The following GRIP1 variants were observed in gnomAD, a reference collection of about 807,000 sequenced individuals.
The protein encoded by GRIP1 is glutamate receptor interacting protein 1, also known as glutamate receptor-interacting protein 1.
A neutral mutation model predicts 129.9 loss-of-function variants in GRIP1; 45 were observed. That is an observed-to-expected ratio of 0.35 (90% CI 0.27 to 0.44). The LOEUF is 0.44. GRIP1 is among the 20% of genes least tolerant of loss of function. The pLI is 1.00. For synonymous variants in GRIP1, 530 were observed against 520.8 expected (o/e 1.02, Z -0.24); for missense variants, 1,196 against 1,396.8 (o/e 0.86, Z 2.29).
At chr12:66,869,288 TTGGGGG>T (rs1205771131) in intron 1 of GRIP1, among the ~76,000 whole-genome samples, 1 of 151,858 alleles carries the variant, frequency 6.6e-6, no homozygotes, top group African/African-American at 2.4e-5. Flanking sequence ...GTGGCTTCTG[TTGGGGG>T]AAATACTGCT....
chr12:66,421,665 T>A (rs2057807005), intron 14 of GRIP1, among the ~76,000 whole-genome samples: 2 of 150,772 alleles, frequency 1.3e-5, no homozygotes, highest in Non-Finnish European at 2.9e-5. Flanking sequence ...GAATGTGACT[T>A]TTTTTTTTTT....
chr12:66,373,423 C>T (rs896661249), intron 22 of GRIP1, among the ~76,000 whole-genome samples: 17 of 152,094 alleles, frequency 1.1e-4, no homozygotes, highest in African/African-American at 3.9e-4. Context: ...AACTGAGGCA[C>T]GAAGAGGCTG....
At chr12:66,987,009 T>C (rs1249729426) in intron 1 of GRIP1, among the ~76,000 whole-genome samples, 2 of 152,100 alleles carry the variant, frequency 1.3e-5, no homozygotes, top group Non-Finnish European at 2.9e-5. Context: ...GTTGGACAAA[T>C]ACAGGATTCA....
At chr12:66,974,351 T>A (rs947948453) in intron 1 of GRIP1, among the ~76,000 whole-genome samples, 1 of 152,158 alleles carries the variant, frequency 6.6e-6, no homozygotes, top group Non-Finnish European at 1.5e-5. Flanking sequence ...CTTATACCCA[T>A]CCAACATGCG....
At position 66,377,287 on chromosome 12, in the gene GRIP1, T is replaced by C. The variant is rs1400427345; in HGVS notation, c.2622-2A>G. The C allele has an allele frequency of 1.3e-6, 2 of 1,592,512 alleles. No homozygotes were observed. Among genetic ancestry groups the C allele is most frequent in the African/African-American group, 1.3e-5 (1 of 74,442 alleles). On this transcript the variant is annotated splice_acceptor_variant, in intron 20 of 24. Transcript: ENST00000359742. LOFTEE classifies it high-confidence loss of function. ...GCACTATCGGCAGCCCCTGCAAAAC[T>C]GTTGTCAAGAAACACAGGCTGGGTT...
chr12:66,410,430 G>C (rs1466869957), intron 15 of GRIP1, among the ~76,000 whole-genome samples: 1 of 148,768 alleles, frequency 6.7e-6, no homozygotes, highest in African/African-American at 2.5e-5. Flanking sequence ...TCAGGAGTTC[G>C]AGACAAGCCT....
intron 1 of GRIP1, among the ~76,000 whole-genome samples, chr12:66,800,861 C>T (rs978592691): frequency 2.0e-5 from 3 of 151,562 alleles, no homozygotes; most frequent in Admixed American, 6.6e-5. Context: ...TTGGTGGATA[C>T]GATTAAATAA....
intron 2 of GRIP1, among the ~76,000 whole-genome samples, chr12:66,592,053 A>T (rs2063866980): frequency 6.6e-6 from 1 of 151,922 alleles, no homozygotes; most frequent in Admixed American, 6.5e-5. Context: ...ATCTTCTGTA[A>T]TAATAAAAAA....
chr12:67,056,044 G>A, intron 1 of GRIP1, among the ~76,000 whole-genome samples: 1 of 152,126 alleles, frequency 6.6e-6, no homozygotes, highest in East Asian at 1.9e-4. Flanking sequence ...GAGGATATAA[G>A]GGATTTTGCT....
intron 1 of GRIP1, among the ~76,000 whole-genome samples, chr12:66,672,061 G>GCT (rs1379352826): frequency 1.3e-5 from 2 of 152,166 alleles, no homozygotes; most frequent in Admixed American, 6.5e-5. Flanking sequence ...GGAAGAAGAT[G>GCT]TAAGACAAAA....
chr12:66,996,200 G>T (rs2042464591), intron 1 of GRIP1, among the ~76,000 whole-genome samples: 1 of 152,004 alleles, frequency 6.6e-6, no homozygotes, highest in Non-Finnish European at 1.5e-5. Context: ...TTTCTTTTTA[G>T]AATGATGAAA....
At chr12:66,403,755 A>T (rs2057091449) in intron 16 of GRIP1, among the ~76,000 whole-genome samples, 1 of 152,222 alleles carries the variant, frequency 6.6e-6, no homozygotes, top group African/African-American at 2.4e-5. Flanking sequence ...TAGTATACAT[A>T]GAGATTGTAG....
chr12:66,903,428 A>G (rs1995504), intron 1 of GRIP1, among the ~76,000 whole-genome samples: 40,161 of 151,940 alleles, frequency 0.26, 5,665 homozygotes, highest in East Asian at 0.45. Flanking sequence ...GTTATTAACC[A>G]ACACAGTAGA....
At chr12:66,608,581 C>T (rs2064648211) in intron 1 of GRIP1, among the ~76,000 whole-genome samples, 1 of 152,266 alleles carries the variant, frequency 6.6e-6, no homozygotes, top group Admixed American at 6.5e-5. Context: ...ATCAGCCAGC[C>T]TCAACCTCCC....
intron 1 of GRIP1, among the ~76,000 whole-genome samples, chr12:66,970,312 C>T (rs763087142): frequency 2.6e-4 from 39 of 152,096 alleles, no homozygotes; most frequent in Non-Finnish European, 5.0e-4. Context: ...GAACTTCTAG[C>T]CTCAAGTCAT....
intron 2 of GRIP1, among the ~76,000 whole-genome samples, chr12:66,544,589 C>T (rs1233820027): frequency 1.3e-5 from 2 of 152,044 alleles, no homozygotes; most frequent in Admixed American, 1.3e-4. Context: ...GCAGAGCAGA[C>T]CAAAGAAGGA....
At position 66,605,050 on chromosome 12, in the gene GRIP1, CTT is replaced by C. The variant is rs1491289503; in HGVS notation, c.56-8125_56-8124del. The stretch of plus-strand genomic sequence containing the variant: ...TAATGAATATGAAATTCAGAAGTCA[CTT>C]ATATATATATATACATATATATATA... On this transcript the variant is annotated intron_variant, in intron 1 of 24. Coordinates refer to ENST00000359742, the MANE Select transcript of GRIP1 (RefSeq NM_001366722.1). Among the ~76,000 whole-genome samples, 4 of 139,168 alleles carry C rather than the reference CTT, an allele frequency of 2.9e-5. No individual in the cohort carries two copies. The East Asian group carries it at 7.9e-4, about 28-fold the overall frequency. The allele number at this position is 139,168 out of a possible 152,430, so 91.3% of individuals were successfully genotyped here. A position where few individuals can be genotyped will look rare whatever the true frequency, so the allele number is the denominator to read the frequency against.
At chr12:67,027,120 G>C (rs915764399) in intron 1 of GRIP1, among the ~76,000 whole-genome samples, 3 of 152,166 alleles carry the variant, frequency 2.0e-5, no homozygotes. Context: ...TTCTTGTCTG[G>C]ATTGAAAGGA....
intron 1 of GRIP1, among the ~76,000 whole-genome samples, chr12:66,648,888 G>C (rs1233576207): frequency 6.6e-6 from 1 of 152,130 alleles, no homozygotes; most frequent in African/African-American, 2.4e-5. Flanking sequence ...AAACAATCTA[G>C]AAAATCAATG....
Sources: allele counts gnomAD v4.1 joint callset (sites outside exome capture counted in the v4.1 genomes callset), GRCh38; gene constraint gnomAD v4.1.1; transcripts MANE v1.5; gene names NCBI Gene and HGNC (gene_info 2026-07-23, HGNC 2026-07-21).